UNC5B: variants seen among roughly 807,000 people sequenced by gnomAD.
UNC5B encodes the protein unc-5 netrin receptor B.
UNC5B carries 56 observed loss-of-function variants against 103.7 expected under a neutral mutation model. That is an observed-to-expected ratio of 0.54 (90% CI 0.44 to 0.67). UNC5B has a LOEUF of 0.67. Ranked by LOEUF, UNC5B falls within the 30% of genes least tolerant of loss-of-function variation. UNC5B has a pLI of 0.00. For synonymous variants in UNC5B, 577 were observed against 542.0 expected, an observed-to-expected ratio of 1.06 and a Z score of -0.90; for missense variants, 1,194 against 1,284.5, an observed-to-expected ratio of 0.93 and a Z score of 1.08.
chr10:71,294,647 G>A (rs1437847193), intron 13 of UNC5B, among the ~76,000 whole-genome samples: 1 of 152,102 alleles, frequency 6.6e-6, no homozygotes, highest in Non-Finnish European at 1.5e-5. Context: ...TGATGGGATG[G>A]GCAGTGGGAG....
chr10:71,253,972 C>T (rs1184350464), intron 1 of UNC5B, among the ~76,000 whole-genome samples: 2 of 152,158 alleles, frequency 1.3e-5, no homozygotes, highest in Non-Finnish European at 2.9e-5. Flanking sequence ...ACTCCATCAA[C>T]CTTTAGCCAG....
chr10:71,274,819 T>C (rs1844730468), intron 1 of UNC5B, among the ~76,000 whole-genome samples: 1 of 152,126 alleles, frequency 6.6e-6, no homozygotes, highest in Admixed American at 6.6e-5. Context: ...CGCTCTGCTT[T>C]AGGACCACCG....
chr10:71,280,139 C>A, intron 2 of UNC5B, 94 bp downstream of exon 2: 1 of 1,365,232 alleles, frequency 7.3e-7, no homozygotes. Context: ...GCCATGGTGC[C>A]CCCTTGGATT....
At chr10:71,297,018 G>A (rs77187832) in intron 15 of UNC5B, among the ~76,000 whole-genome samples, 10 of 141,828 alleles carry the variant, frequency 7.1e-5, no homozygotes, top group Middle Eastern at 3.6e-3. Flanking sequence ...CAGATATTCC[G>A]GCTGCACAGC....
chr10:71,249,579 CTG>C (rs1232128357), intron 1 of UNC5B, among the ~76,000 whole-genome samples: 1 of 152,198 alleles, frequency 6.6e-6, no homozygotes, highest in African/African-American at 2.4e-5. Flanking sequence ...AGAGCCATCT[CTG>C]AGAATGTGGC....
At chr10:71,241,395 C>T (rs138624469) in intron 1 of UNC5B, among the ~76,000 whole-genome samples, 161 of 152,262 alleles carry the variant, frequency 1.1e-3, no homozygotes, top group Non-Finnish European at 1.9e-3. Flanking sequence ...ATGAAGACCT[C>T]CTCAAATGCC....
chr10:71,240,516 A>G (rs892333421), intron 1 of UNC5B, among the ~76,000 whole-genome samples: 3 of 152,206 alleles, frequency 2.0e-5, no homozygotes, highest in Admixed American at 6.5e-5. Flanking sequence ...ACGGGTGATG[A>G]GGCCTGGAAG....
intron 1 of UNC5B, among the ~76,000 whole-genome samples, chr10:71,243,692 G>C (rs1356261390): frequency 6.6e-6 from 1 of 152,170 alleles, no homozygotes; most frequent in Non-Finnish European, 1.5e-5. Flanking sequence ...GGATGGCCAA[G>C]GTTGGAGAGA....
In UNC5B at chr10:71,293,478, C is replaced by A. The variant is rs151335269; in HGVS notation, c.1846C>A (p.Arg616Ser). The A allele has an allele frequency of 6.2e-7, 1 of 1,614,098 alleles. No individual in the cohort carries two copies. The highest frequency in any genetic ancestry group is 1.3e-5 in the African/African-American group (1 of 75,048). ...TCGPTGLLLCRPVILTMPHCA... is the reference protein window; with the variant it reads ...TCGPTGLLLCSPVILTMPHCA... Reference sequence around the variant, plus strand: ...TGGACCCACAGGCCTCCTGCTGTGCCGCCCCGTCATCCTCACCATGCCCCA... The same window carrying A: ...TGGACCCACAGGCCTCCTGCTGTGCAGCCCCGTCATCCTCACCATGCCCCA... Residue 616 changes from arginine to serine, a missense_variant, in exon 12 of 17, where the codon CGC (arginine) becomes AGC (serine). Transcript: ENST00000335350.
chr10:71,297,878 C>A lies in UNC5B; in HGVS notation c.2491-31C>A, dbSNP rs531133341. 3 of 1,591,706 alleles carry A rather than the reference C, an allele frequency of 1.9e-6. No individual in the cohort carries two copies. In the African/African-American group the frequency reaches 4.0e-5, roughly 21 times the overall value. ...TGGAGGGCAGATGCCCAGCACTGTGCCCCTCTCACTCTTGGCCCCCACCCT... is the reference window on the plus strand; with the variant it reads ...TGGAGGGCAGATGCCCAGCACTGTGACCCTCTCACTCTTGGCCCCCACCCT... On this transcript the variant is annotated intron_variant, in intron 15 of 16. Coordinates refer to ENST00000335350, the MANE Select transcript of UNC5B (RefSeq NM_170744.5).
chr10:71,268,920 C>A (rs933071014), intron 1 of UNC5B, among the ~76,000 whole-genome samples: 6 of 152,330 alleles, frequency 3.9e-5, no homozygotes, highest in African/African-American at 1.4e-4. Flanking sequence ...GCCTCACTCC[C>A]CGTGCCAGCT....
intron 1 of UNC5B, among the ~76,000 whole-genome samples, chr10:71,241,799 T>G (rs1843907957): frequency 6.6e-6 from 1 of 152,108 alleles, no homozygotes; most frequent in Non-Finnish European, 1.5e-5. Context: ...AGGATCATCA[T>G]GGTGCACCTG....
At chr10:71,215,604 G>C (rs550325154) in intron 1 of UNC5B, among the ~76,000 whole-genome samples, 2 of 152,230 alleles carry the variant, frequency 1.3e-5, no homozygotes, top group Non-Finnish European at 2.9e-5. Flanking sequence ...ATGTCAGCAA[G>C]TGACTAGCCA....
At chr10:71,257,366 G>A (rs1844314172) in intron 1 of UNC5B, among the ~76,000 whole-genome samples, 1 of 152,242 alleles carries the variant, frequency 6.6e-6, no homozygotes, top group Non-Finnish European at 1.5e-5. Context: ...AAGCCGAAGG[G>A]AAGAAGAGAC....
rs896277429 is a variant in UNC5B at position 71,300,682 on chromosome 10, G to GAGA, written c.*1408_*1410dup. 1 of 152,270 alleles carries GAGA rather than the reference G, an allele frequency of 6.6e-6. No individual in the cohort carries two copies. Among genetic ancestry groups the GAGA allele is most frequent in the African/African-American group, 2.4e-5 (1 of 41,458 alleles). The allele number at this position is 152,270 out of a possible 1,614,324, so 9.4% of individuals were successfully genotyped here. ...CCTTCTGTAAAGCAGAGTGATGGCTGAGAAGTCCTCTCTAGCTGCAGAAGC... is the reference window on the plus strand; with the variant it reads ...CCTTCTGTAAAGCAGAGTGATGGCTGAGAAGAAGTCCTCTCTAGCTGCAGAAGC... On this transcript the variant is annotated 3_prime_UTR_variant, in exon 17 of 17. Coordinates refer to ENST00000335350, the MANE Select transcript of UNC5B (RefSeq NM_170744.5).
chr10:71,244,794 C>A, intron 1 of UNC5B, among the ~76,000 whole-genome samples: 1 of 152,188 alleles, frequency 6.6e-6, no homozygotes, highest in Admixed American at 6.5e-5. Context: ...GCATGCATGC[C>A]TGTGTGCGCC....
intron 1 of UNC5B, among the ~76,000 whole-genome samples, chr10:71,250,314 A>G (rs952064332): frequency 6.6e-6 from 1 of 152,248 alleles, no homozygotes; most frequent in Non-Finnish European, 1.5e-5. Flanking sequence ...ACCGGGTTGC[A>G]TGAGCTAGGC....
chr10:71,281,685 A>G (rs1024478904), intron 2 of UNC5B, among the ~76,000 whole-genome samples: 1 of 152,226 alleles, frequency 6.6e-6, no homozygotes, highest in Non-Finnish European at 1.5e-5. Context: ...CATATTTTCC[A>G]GCTGCCCCCA....
At position 71,223,435 on chromosome 10, in the gene UNC5B, C is replaced by T. The variant is rs150131068; in HGVS notation, c.79+10371C>T. On this transcript the variant is annotated intron_variant, in intron 1 of 16. Coordinates refer to ENST00000335350, the MANE Select transcript of UNC5B (RefSeq NM_170744.5). ...CCTTCCCCTCCTGCCTGCCTGCTTC[C>T]CTCCCTTCATTATCTGCTGCTTGCT... 2.6e-3 allele frequency among the ~76,000 whole-genome samples: 392 copies of T among 152,222 alleles called. 1 individual carries two copies. The highest frequency in any genetic ancestry group is 5.6e-3 in the South Asian group (27 of 4,810).
Sources: allele counts gnomAD v4.1 joint callset (sites outside exome capture counted in the v4.1 genomes callset), GRCh38; gene constraint gnomAD v4.1.1; transcripts MANE v1.5; gene names NCBI Gene and HGNC (gene_info 2026-07-23, HGNC 2026-07-21).